PDE1A: variants seen among roughly 807,000 people sequenced by gnomAD.
The protein encoded by PDE1A is phosphodiesterase 1A.
A neutral mutation model predicts 61.7 loss-of-function variants in PDE1A; 35 were observed. That is an observed-to-expected ratio of 0.57 (90% CI 0.43 to 0.75). The LOEUF (loss-of-function observed/expected upper bound fraction) is 0.75. PDE1A is among the 30% of genes least tolerant of loss of function. The pLI is 0.00. For synonymous variants in PDE1A, 232 were observed against 213.2 expected (o/e 1.09, Z -0.77); for missense variants, 597 against 630.6 (o/e 0.95, Z 0.57).
chr2:182,476,094 T>G (rs1380036058), intron 2 of PDE1A, among the ~76,000 whole-genome samples: 1 of 151,988 alleles, frequency 6.6e-6, no homozygotes, highest in Non-Finnish European at 1.5e-5. Flanking sequence ...AGGGTTATTT[T>G]TATATTGTGA....
chr2:182,500,258 T>C (rs1411621258), intron 2 of PDE1A, among the ~76,000 whole-genome samples: 2 of 152,152 alleles, frequency 1.3e-5, no homozygotes, highest in Non-Finnish European at 2.9e-5. Context: ...AATTCAGTCA[T>C]AAGACTACAA....
chr2:182,163,452 ATAT>A (rs575144884), downstream of PDE1A, among the ~76,000 whole-genome samples: 575 of 152,224 alleles, frequency 3.8e-3, 3 homozygotes, highest in African/African-American at 0.013. Flanking sequence ...TTCATTGATG[ATAT>A]TATGTTAATT....
chr2:182,297,343 A>G (rs1005279551), intron 1 of PDE1A, among the ~76,000 whole-genome samples: 3 of 151,886 alleles, frequency 2.0e-5, no homozygotes, highest in African/African-American at 7.3e-5. Flanking sequence ...CCATTTGCTT[A>G]TTAAACTCTA....
At chr2:182,459,357 CAT>C (rs1686127411) in intron 2 of PDE1A, among the ~76,000 whole-genome samples, 1 of 152,106 alleles carries the variant, frequency 6.6e-6, no homozygotes, top group South Asian at 2.1e-4. Flanking sequence ...CCCTCCAGTG[CAT>C]ATTGAGAGGA....
chr2:182,664,140 T>C, the PDE1A span, among the ~76,000 whole-genome samples: 12 of 152,154 alleles, frequency 7.9e-5, no homozygotes, highest in Admixed American at 5.2e-4. Context: ...TACACATCCA[T>C]CCAATAAATA....
At chr2:182,311,296 T>C (rs1030551546) in intron 1 of PDE1A, among the ~76,000 whole-genome samples, 1 of 152,238 alleles carries the variant, frequency 6.6e-6, no homozygotes, top group South Asian at 2.1e-4. Context: ...TTCTCTACTA[T>C]TAATCAGTTC....
the PDE1A span, among the ~76,000 whole-genome samples, chr2:182,561,668 T>C: frequency 6.6e-6 from 1 of 152,182 alleles, no homozygotes; most frequent in African/African-American, 2.4e-5. Flanking sequence ...TTTCACGATA[T>C]TGATTCTTCC....
intron 1 of PDE1A, among the ~76,000 whole-genome samples, chr2:182,414,538 T>A (rs1435805618): frequency 6.6e-6 from 1 of 152,092 alleles, no homozygotes; most frequent in East Asian, 1.9e-4. Flanking sequence ...TAAACACTTG[T>A]TTTCTGGATA....
chr2:182,564,397 G>C, the PDE1A span, among the ~76,000 whole-genome samples: 23 of 152,126 alleles, frequency 1.5e-4, no homozygotes, highest in African/African-American at 5.1e-4. Flanking sequence ...CTCTCTTCTG[G>C]CTTGTAGAGT....
the PDE1A span, among the ~76,000 whole-genome samples, chr2:182,601,711 G>A: frequency 1.3e-5 from 2 of 152,168 alleles, no homozygotes; most frequent in East Asian, 3.9e-4. Context: ...GCAGAGAGGA[G>A]GAGGCTCTGG....
intron 13 of PDE1A, among the ~76,000 whole-genome samples, chr2:182,159,337 C>T (rs1461963047): frequency 6.6e-6 from 1 of 152,054 alleles, no homozygotes; most frequent in Non-Finnish European, 1.5e-5. Flanking sequence ...TTGTAGTAAC[C>T]ATTCAGAACA....
chr2:182,583,196 T>G, the PDE1A span, among the ~76,000 whole-genome samples: 7 of 152,290 alleles, frequency 4.6e-5, no homozygotes, highest in African/African-American at 1.7e-4. Context: ...TGTTCTTTTT[T>G]CAATAGCTGA....
chr2:182,550,884 G>A, the PDE1A span, among the ~76,000 whole-genome samples: 1 of 152,006 alleles, frequency 6.6e-6, no homozygotes. Context: ...AGGCAAGAGG[G>A]GCTCAAAATT....
intron 2 of PDE1A, among the ~76,000 whole-genome samples, chr2:182,464,900 C>T (rs1033074840): frequency 2.0e-5 from 3 of 151,960 alleles, no homozygotes; most frequent in Admixed American, 1.3e-4. Flanking sequence ...GTATGCCTCA[C>T]GCTAAGCAGA....
In PDE1A at chr2:182,426,479, T is replaced by C. The variant is rs1472132361; in HGVS notation, c.53+99A>G. ...TTAAACTTTAAGCACTCTTGATTGC[T>C]CTGCTGTAGCTTAGTGGCAGAATCC... On this transcript the variant is annotated intron_variant, in intron 1 of 13. Transcript: ENST00000351439. The C allele has an allele frequency of 3.2e-5, 27 of 852,746 alleles. No homozygotes were observed. The Admixed American group carries it at 4.7e-4, about 15-fold the overall frequency. The allele number at this position is 852,746 out of a possible 1,614,324, so 52.8% of individuals were successfully genotyped here. A position where few individuals can be genotyped will look rare whatever the true frequency, so the allele number is the denominator to read the frequency against.
chr2:182,385,677 A>G (rs1443558128), intron 1 of PDE1A, among the ~76,000 whole-genome samples: 4 of 72,336 alleles, frequency 5.5e-5, no homozygotes, highest in South Asian at 7.6e-4. Flanking sequence ...AAAGAAAGAA[A>G]AGAAAGAAAG....
At chr2:182,398,077 C>A (rs1373442026) in intron 1 of PDE1A, among the ~76,000 whole-genome samples, 3 of 151,574 alleles carry the variant, frequency 2.0e-5, no homozygotes, top group Non-Finnish European at 4.4e-5. Flanking sequence ...AAATGAAAGA[C>A]ATCACTGGAC....
chr2:182,379,450 T>C (rs1700601101), intron 1 of PDE1A, among the ~76,000 whole-genome samples: 1 of 152,238 alleles, frequency 6.6e-6, no homozygotes, highest in Non-Finnish European at 1.5e-5. Context: ...GCAGATCTTT[T>C]TTCTTCAAAC....
At chr2:182,668,091 G>A in the PDE1A span, among the ~76,000 whole-genome samples, 1 of 152,158 alleles carries the variant, frequency 6.6e-6, no homozygotes, top group Admixed American at 6.5e-5. Context: ...TTATCTGGGA[G>A]GCTGCTCTGT....
Sources: allele counts gnomAD v4.1 joint callset (sites outside exome capture counted in the v4.1 genomes callset), GRCh38; gene constraint gnomAD v4.1.1; transcripts MANE v1.5; gene names NCBI Gene and HGNC (gene_info 2026-07-23, HGNC 2026-07-21).